The following SRGAP1 variants were observed in gnomAD, a reference collection of about 807,000 sequenced individuals.
SRGAP1 encodes SLIT-ROBO Rho GTPase activating protein 1.
In SRGAP1, 43 loss-of-function variants were observed where a neutral mutation model predicts 121.9. The observed-to-expected ratio is 0.35, with a 90% CI of 0.28 to 0.46. SRGAP1 has a LOEUF of 0.46. Ranked by LOEUF, SRGAP1 falls within the 20% of genes least tolerant of loss-of-function variation. SRGAP1 has a pLI of 1.00. For synonymous variants in SRGAP1, 447 were observed against 485.4 expected, an observed-to-expected ratio of 0.92 and a Z score of 1.04; for missense variants, 1,102 against 1,350.9, an observed-to-expected ratio of 0.82 and a Z score of 2.89.
chr12:64,004,288 G>A (rs2034007631), intron 3 of SRGAP1, among the ~76,000 whole-genome samples: 1 of 152,124 alleles, frequency 6.6e-6, no homozygotes, highest in Non-Finnish European at 1.5e-5. Flanking sequence ...TAAAAATATG[G>A]TTCAGTACCA....
chr12:64,029,803 C>CCTGGCCAACACGGTGA (rs2034733572), intron 4 of SRGAP1, among the ~76,000 whole-genome samples: 55 of 111,214 alleles, frequency 4.9e-4, no homozygotes, highest in Admixed American at 7.0e-4. Context: ...TCGAGACCAG[C>CCTGGCCAACACGGTGA]AGGCTGAGGC....
In SRGAP1 at chr12:64,155,408, G is replaced by A. The variant is rs2037156265; in HGVS notation, c.*12736G>A. The A allele has an allele frequency of 6.6e-6, 1 of 151,710 alleles. No individual in the cohort carries two copies. The highest frequency in any genetic ancestry group is 1.5e-5 in the Non-Finnish European group (1 of 68,014). 9.4% of individuals were successfully genotyped at this position (151,710 alleles called of 1,614,324 possible). A position where few individuals can be genotyped will look rare whatever the true frequency, so the allele number is the denominator to read the frequency against. On this transcript the variant is annotated 3_prime_UTR_variant, in exon 22 of 22. Transcript: ENST00000355086. ...AATACAAAAAAATTAGCCGGGTGTG[G>A]TGGCGCCCGCCTATAGTCCCAGCTG...
chr12:64,065,151 G>A lies in SRGAP1; in HGVS notation c.1057G>A (p.Ala353Thr). 1.9e-6 allele frequency: 3 copies of A among 1,613,646 alleles called. No individual in the cohort carries two copies. Among genetic ancestry groups the A allele is most frequent in the Admixed American group, 1.7e-5 (1 of 59,968 alleles). The change falls in exon 8 of 22, where the codon GCA becomes ACA. Residue 353 changes from alanine (A) to threonine (T), a missense_variant. This residue lies in a region of SRGAP1 where 747 missense variants were observed against 929.4 expected (regional missense o/e 0.80). Transcript: ENST00000355086. ...CQVSAQQPVQ[A>T]ELMLRYQQLQ... ...GGTCAGTGCCCAGCAGCCAGTCCAG[G>A]CAGAGCTCATGCTCAGGTACCAACA...
chr12:63,882,021 A>G (rs1219255741), intron 1 of SRGAP1, among the ~76,000 whole-genome samples: 1 of 152,214 alleles, frequency 6.6e-6, no homozygotes, highest in Non-Finnish European at 1.5e-5. Context: ...GAAAAATTAG[A>G]ATATAGAGTT....
chr12:63,972,884 C>T (rs1404295209), intron 1 of SRGAP1, among the ~76,000 whole-genome samples: 3 of 151,998 alleles, frequency 2.0e-5, no homozygotes, highest in Non-Finnish European at 2.9e-5. Context: ...CATGGTGGCT[C>T]ATGCCTGTAA....
chr12:64,017,093 C>A (rs565117652), intron 4 of SRGAP1, 81 bp downstream of exon 4: 2 of 785,520 alleles, frequency 2.5e-6, no homozygotes, highest in East Asian at 2.6e-5. Context: ...TTGTAGTATT[C>A]ATTCCAAGCC....
chr12:64,025,828 C>T (rs1466014941), intron 4 of SRGAP1, among the ~76,000 whole-genome samples: 1 of 152,154 alleles, frequency 6.6e-6, no homozygotes, highest in Non-Finnish European at 1.5e-5. Flanking sequence ...CGCACACTGA[C>T]TTTGGAGACT....
intron 15 of SRGAP1, among the ~76,000 whole-genome samples, chr12:64,098,399 T>A (rs2036200523): frequency 6.6e-6 from 1 of 151,648 alleles, no homozygotes; most frequent in African/African-American, 2.4e-5. Flanking sequence ...CTTTCTCCCC[T>A]TTTTAAAACC....
At chr12:64,015,481 CTCT>C (rs1290444002) in intron 3 of SRGAP1, among the ~76,000 whole-genome samples, 2 of 152,158 alleles carry the variant, frequency 1.3e-5, no homozygotes, top group Non-Finnish European at 2.9e-5. Context: ...TAGCAGCACT[CTCT>C]TAGATACTCC....
chr12:64,018,240 C>G (rs1016859141), intron 4 of SRGAP1, among the ~76,000 whole-genome samples: 1 of 152,100 alleles, frequency 6.6e-6, no homozygotes, highest in Non-Finnish European at 1.5e-5. Flanking sequence ...AGGCATGCGC[C>G]AGCATGCCTG....
At chr12:64,134,788 C>T (rs1011879996) in intron 21 of SRGAP1, among the ~76,000 whole-genome samples, 1 of 152,140 alleles carries the variant, frequency 6.6e-6, no homozygotes, top group Admixed American at 6.5e-5. Flanking sequence ...TATCCCACAC[C>T]ATTAATATCC....
chr12:64,109,866 A>T (rs2036403763), intron 16 of SRGAP1, among the ~76,000 whole-genome samples: 1 of 152,152 alleles, frequency 6.6e-6, no homozygotes, highest in South Asian at 2.1e-4. Flanking sequence ...ACGGTGATTT[A>T]TTACAATCCC....
intron 4 of SRGAP1, among the ~76,000 whole-genome samples, chr12:64,022,428 A>G (rs2034569867): frequency 1.3e-5 from 2 of 152,136 alleles, no homozygotes; most frequent in South Asian, 2.1e-4. Context: ...TTTTTGTTCA[A>G]TGCAGGTCAT....
At chr12:63,981,688 C>T (rs1018078108) in intron 1 of SRGAP1, among the ~76,000 whole-genome samples, 3 of 152,180 alleles carry the variant, frequency 2.0e-5, no homozygotes, top group Non-Finnish European at 4.4e-5. Context: ...GTGTTCAGCA[C>T]ACGTCTGTGA....
chr12:64,078,679 G>C (rs2035782309), intron 8 of SRGAP1, among the ~76,000 whole-genome samples: 1 of 152,148 alleles, frequency 6.6e-6, no homozygotes, highest in South Asian at 2.1e-4. Context: ...AGAGTACCCA[G>C]ATATGAGATT....
In SRGAP1 at chr12:64,128,212, T is replaced by C; in HGVS notation, c.2880+12T>C. ...AGACAATTGCTCAGGTACGATGCTT[T>C]TAATTACATATTGCATTTTAAGTAC... is the stretch of plus-strand genomic sequence containing the variant. On this transcript the variant is annotated intron_variant, in intron 21 of 21. Transcript: ENST00000355086. 3 of 1,591,702 alleles carry C rather than the reference T, an allele frequency of 1.9e-6. No homozygotes were observed. The highest frequency in any genetic ancestry group is 2.6e-6 in the Non-Finnish European group (3 of 1,163,714).
At chr12:63,854,139 G>A (rs981532010) in intron 1 of SRGAP1, among the ~76,000 whole-genome samples, 1 of 152,144 alleles carries the variant, frequency 6.6e-6, no homozygotes, top group Non-Finnish European at 1.5e-5. Context: ...CATTACCAGT[G>A]CCTTAGAAAC....
At chr12:64,061,926 ATTAG>A (rs2035457221) in intron 6 of SRGAP1, among the ~76,000 whole-genome samples, 1 of 152,150 alleles carries the variant, frequency 6.6e-6, no homozygotes, top group Non-Finnish European at 1.5e-5. Context: ...TATTTTATTT[ATTAG>A]TTTGTAGACA....
rs1019964089 is a variant in SRGAP1 at position 64,146,612 on chromosome 12, C to T, written c.*3940C>T. 1 of 152,056 alleles carries T rather than the reference C, an allele frequency of 6.6e-6. No individual in the cohort carries two copies. The highest frequency in any genetic ancestry group is 2.4e-5 in the African/African-American group (1 of 41,386). The allele number at this position is 152,056 out of a possible 1,614,324, so 9.4% of individuals were successfully genotyped here. A position where few individuals can be genotyped will look rare whatever the true frequency, so the allele number is the denominator to read the frequency against. ...GATTCCTGACCATAGCAGTGAGAGG[C>T]CATTTTTTGTGCAGGAAATGTGCTT... On this transcript the variant is annotated 3_prime_UTR_variant, in exon 22 of 22. Coordinates refer to ENST00000355086, the MANE Select transcript of SRGAP1 (RefSeq NM_020762.4).
Sources: gnomAD v4.1 joint callset for allele counts (sites outside exome capture counted in the v4.1 genomes callset) on GRCh38, gnomAD v4.1.1 for gene constraint, gnomAD v4.1.1 regional missense constraint, MANE v1.5 for transcripts, NCBI Gene and HGNC (gene_info 2026-07-23, HGNC 2026-07-21) for gene names.